The following NKAIN2 variants were observed in gnomAD, a reference collection of about 807,000 sequenced individuals.
NKAIN2 encodes the protein sodium/potassium transporting ATPase interacting 2, also known as sodium/potassium-transporting ATPase subunit beta-1-interacting protein 2.
In NKAIN2, 14 loss-of-function variants were observed where a neutral mutation model predicts 32.6. That is an observed-to-expected ratio of 0.43 (90% CI 0.28 to 0.67). The LOEUF (loss-of-function observed/expected upper bound fraction) is 0.67. Ranked by LOEUF, NKAIN2 falls within the 30% of genes least tolerant of loss-of-function variation. The probability of loss-of-function intolerance (pLI) is 0.17; values close to 1 mark genes in which losing one functional copy is unlikely to be tolerated. For missense variants in NKAIN2, 198 were observed against 258.3 expected, an observed-to-expected ratio of 0.77 and a Z score of 1.60; for synonymous variants, 80 against 87.2, an observed-to-expected ratio of 0.92 and a Z score of 0.46.
intron 1 of NKAIN2, among the ~76,000 whole-genome samples, chr6:123,980,363 C>T (rs981460216): frequency 1.3e-5 from 2 of 152,112 alleles, no homozygotes; most frequent in African/African-American, 4.8e-5. Context: ...TCATGCATGT[C>T]AGATAGTATT....
chr6:124,590,998 A>C (rs552419571), intron 3 of NKAIN2, among the ~76,000 whole-genome samples: 1 of 152,364 alleles, frequency 6.6e-6, no homozygotes, highest in Admixed American at 6.5e-5. Context: ...TCAGGAACAA[A>C]GATCAACTGC....
intron 1 of NKAIN2, among the ~76,000 whole-genome samples, chr6:124,234,007 T>C (rs986826931): frequency 2.6e-5 from 4 of 152,154 alleles, no homozygotes. Flanking sequence ...TTGTAGATCA[T>C]TCCCTTCTTC....
At chr6:124,640,152 C>T (rs924916736) in intron 3 of NKAIN2, among the ~76,000 whole-genome samples, 2 of 151,972 alleles carry the variant, frequency 1.3e-5, no homozygotes, top group South Asian at 2.1e-4. Context: ...AGACACTATA[C>T]GAGTCATAAT....
At chr6:124,662,389 C>G (rs1298940091) in intron 4 of NKAIN2, among the ~76,000 whole-genome samples, 1 of 152,018 alleles carries the variant, frequency 6.6e-6, no homozygotes, top group African/African-American at 2.4e-5. Flanking sequence ...GCAGGGAAGC[C>G]ATGGATGACA....
chr6:124,158,237 G>T (rs1459462382), intron 1 of NKAIN2, among the ~76,000 whole-genome samples: 1 of 151,964 alleles, frequency 6.6e-6, no homozygotes, highest in Non-Finnish European at 1.5e-5. Context: ...TGCATCCCTG[G>T]TGTCGCTGTG....
intron 4 of NKAIN2, among the ~76,000 whole-genome samples, chr6:124,684,571 G>A (rs763274912): frequency 1.4e-4 from 22 of 152,162 alleles, no homozygotes; most frequent in Non-Finnish European, 1.0e-4. Context: ...ATAGAGAGAA[G>A]TCTCATAAAA....
chr6:124,473,482 C>T (rs190158410), intron 3 of NKAIN2, among the ~76,000 whole-genome samples: 9 of 151,992 alleles, frequency 5.9e-5, no homozygotes, highest in African/African-American at 1.7e-4. Flanking sequence ...TTATTTCATT[C>T]GTTGTAGTAA....
At chr6:124,806,193 T>A (rs1295517178) in intron 5 of NKAIN2, among the ~76,000 whole-genome samples, 1 of 152,084 alleles carries the variant, frequency 6.6e-6, no homozygotes, top group African/African-American at 2.4e-5. Context: ...ATTGTCAGAT[T>A]CACCAAAGTT....
At chr6:124,149,931 C>T (rs1046603217) in intron 1 of NKAIN2, among the ~76,000 whole-genome samples, 1 of 152,114 alleles carries the variant, frequency 6.6e-6, no homozygotes, top group East Asian at 1.9e-4. Flanking sequence ...CCAACACAAC[C>T]TGTAGGTAAT....
intron 4 of NKAIN2, among the ~76,000 whole-genome samples, chr6:124,723,132 A>T (rs1045276920): frequency 6.6e-6 from 1 of 152,234 alleles, no homozygotes; most frequent in Non-Finnish European, 1.5e-5. Flanking sequence ...ATTTGCAGAG[A>T]ATCATACAGA....
chr6:124,198,321 C>T (rs983608854), intron 1 of NKAIN2, among the ~76,000 whole-genome samples: 4 of 151,700 alleles, frequency 2.6e-5, no homozygotes, highest in South Asian at 2.1e-4. Context: ...ATGCTCCGCC[C>T]GTGTTGTGGG....
chr6:124,038,712 C>T (rs1449523158), intron 1 of NKAIN2, among the ~76,000 whole-genome samples: 2 of 152,082 alleles, frequency 1.3e-5, no homozygotes, highest in Non-Finnish European at 2.9e-5. Context: ...CTGGCTCAAA[C>T]AAGAATAGAT....
intron 1 of NKAIN2, among the ~76,000 whole-genome samples, chr6:124,231,220 C>T (rs1792441316): frequency 6.6e-6 from 1 of 152,164 alleles, no homozygotes. Context: ...GACCAATCTC[C>T]CATTTGGAAT....
At position 124,100,305 on chromosome 6, in the gene NKAIN2, A is replaced by G. The variant is rs187579753; in HGVS notation, c.55-182700A>G. Among the ~76,000 whole-genome samples the G allele has an allele frequency of 4.1e-4, 63 of 152,352 alleles. No homozygotes were observed. In the East Asian group the frequency reaches 8.1e-3, roughly 20 times the overall value. Reference sequence around the variant, plus strand: ...AAAGAACTCAATGGAGTTTATTTAGAAAGAAAATGGTTTAGAAGATACTAT... The same window carrying G: ...AAAGAACTCAATGGAGTTTATTTAGGAAGAAAATGGTTTAGAAGATACTAT... On this transcript the variant is annotated intron_variant, in intron 1 of 6. Coordinates refer to ENST00000368417, the MANE Select transcript of NKAIN2 (RefSeq NM_001040214.3).
chr6:123,827,373 T>C (rs999834964), intron 1 of NKAIN2, among the ~76,000 whole-genome samples: 1 of 152,146 alleles, frequency 6.6e-6, no homozygotes, highest in Non-Finnish European at 1.5e-5. Context: ...CTGGAATAAC[T>C]TTGCAGCTTT....
rs1420528169 is a variant in NKAIN2, at chr6:124,390,210, T to C, written c.273+34863T>C. Among the ~76,000 whole-genome samples, 4 of 152,230 alleles carry C rather than the reference T, an allele frequency of 2.6e-5. No individual in the cohort carries two copies. The East Asian group carries it at 5.8e-4, about 22-fold the overall frequency. On this transcript the variant is annotated intron_variant, in intron 3 of 6. Transcript: ENST00000368417. ...TGGGTGAGGAGTTACTTTTCATTAG[T>C]ATATTTCCACCTAAGACTGAAGCAG...
intron 3 of NKAIN2, among the ~76,000 whole-genome samples, chr6:124,565,478 A>T (rs1780875112): frequency 6.6e-6 from 1 of 152,194 alleles, no homozygotes; most frequent in Non-Finnish European, 1.5e-5. Context: ...GTCGATTGCC[A>T]TTCTAAATAG....
At chr6:124,089,952 G>C (rs1481760976) in intron 1 of NKAIN2, among the ~76,000 whole-genome samples, 1 of 151,798 alleles carries the variant, frequency 6.6e-6, no homozygotes, top group African/African-American at 2.4e-5. Context: ...ATCTCTCTTA[G>C]CCAGTTTGCT....
intron 1 of NKAIN2, among the ~76,000 whole-genome samples, chr6:124,086,289 T>C (rs1032451753): frequency 6.6e-6 from 1 of 152,004 alleles, no homozygotes; most frequent in African/African-American, 2.4e-5. Context: ...CTTTGGAGTT[T>C]GACAAACTAT....
Sources: gnomAD v4.1 joint callset for allele counts (sites outside exome capture counted in the v4.1 genomes callset) on GRCh38, gnomAD v4.1.1 for gene constraint, MANE v1.5 for transcripts, NCBI Gene and HGNC (gene_info 2026-07-23, HGNC 2026-07-21) for gene names.